SCO2: variants seen among roughly 807,000 people sequenced by gnomAD.
The protein encoded by SCO2 is synthesis of cytochrome C oxidase 2.
For missense variants in SCO2, 429 were observed against 348.7 expected (o/e 1.23, Z -1.83); for synonymous variants, 195 against 148.6 (o/e 1.31, Z -2.27).
upstream of SCO2, chr22:50,526,306 C>T: frequency 1.3e-6 from 2 of 1,559,306 alleles, no homozygotes; most frequent in South Asian, 1.2e-5. Context: ...TGCCGGCGTT[C>T]TGCGGGACTT....
rs2148671809 is a variant in SCO2 at position 50,524,116 on chromosome 22, A to C, written c.296T>G (p.Val99Gly). Residue 99 changes from valine (V) to glycine (G), a missense_variant, in exon 2 of 2, where the codon GTG becomes GGG. By Grantham distance (109) the Val-to-Gly change is moderately radical. Transcript: ENST00000395693. ...KRTEALRQAAVGQGDFHLLDH... is the reference protein window; with the variant it reads ...KRTEALRQAAGGQGDFHLLDH... ...CAGCAGGTGGAAGTCGCCCTGGCCC[A>C]CAGCTGCCTGGCGCAGGGCTTCTGT... 1 of 1,612,818 alleles carries C rather than the reference A, an allele frequency of 6.2e-7. No homozygotes were observed. Among genetic ancestry groups the C allele is most frequent in the Non-Finnish European group, 8.5e-7 (1 of 1,180,000 alleles).
chr22:50,525,566 G>C lies in SCO2; in HGVS notation c.-108C>G, dbSNP rs1000474738. 31 of 730,524 alleles carry C rather than the reference G, an allele frequency of 4.2e-5. No homozygotes were observed. The East Asian group carries it at 8.7e-4, about 20-fold the overall frequency. The allele number at this position is 730,524 out of a possible 1,614,324, so 45.3% of individuals were successfully genotyped here. ...TGCCCCGCCGGCTCAGGGAAAGCGG[G>C]CGCCACACGCTCACAGGCAGGGCGC... On this transcript the variant is annotated 5_prime_UTR_variant, in exon 1 of 2. Transcript: ENST00000395693.
chr22:50,524,831 C>T (rs915598562), intron 1 of SCO2: 24 of 373,544 alleles, frequency 6.4e-5, no homozygotes, highest in African/African-American at 4.9e-4. Context: ...ATTCCTCCAA[C>T]ACTTTCCTGT....
chr22:50,526,306 C>G (rs2069372271), upstream of SCO2: 3 of 1,559,306 alleles, frequency 1.9e-6, no homozygotes, highest in Non-Finnish European at 2.6e-6. Context: ...TGCCGGCGTT[C>G]TGCGGGACTT....
chr22:50,524,481 G>A (rs777411169), intron 1 of SCO2, 57 bp from the exon 2 acceptor site: 28 of 1,524,804 alleles, frequency 1.8e-5, no homozygotes, highest in Middle Eastern at 1.7e-4. Flanking sequence ...CAGTGCCTGG[G>A]CTGCCCCTGC....
At chr22:50,526,237 G>C, upstream of SCO2, 1 of 1,532,236 alleles carries the variant, frequency 6.5e-7, no homozygotes, top group Non-Finnish European at 8.7e-7. Flanking sequence ...GGACTCCCCC[G>C]ACGCTCACCA....
chr22:50,524,039 G>A lies in SCO2; in HGVS notation c.373C>T (p.Leu125=), dbSNP rs891656219. 7.4e-6 allele frequency: 12 copies of A among 1,613,394 alleles called. No individual in the cohort carries two copies. The highest frequency in any genetic ancestry group is 1.0e-5 in the Non-Finnish European group (12 of 1,180,030). The part of the protein sequence containing the change: ...CKADFRGQWV[L]MYFGFTHCPD... The stretch of plus-strand genomic sequence containing the variant: ...CAGTGAGTGAAGCCAAAGTACATCA[G>A]CACCCACTGGCCCCGGAAGTCAGCC... The change falls in exon 2 of 2, where the codon CTG becomes TTG. Residue 125 remains leucine (L), a synonymous_variant. Coordinates refer to ENST00000395693, the MANE Select transcript of SCO2 (RefSeq NM_005138.3).
Position 50,525,568 on chromosome 22 carries a change from G to A in SCO2, c.-110C>T, listed in dbSNP as rs1052937536. 4 of 741,122 alleles carry A rather than the reference G, an allele frequency of 5.4e-6. No homozygotes were observed. The highest frequency in any genetic ancestry group is 2.9e-5 in the East Asian group (1 of 34,634). The allele number at this position is 741,122 out of a possible 1,614,324, so 45.9% of individuals were successfully genotyped here. On this transcript the variant is annotated 5_prime_UTR_variant, in exon 1 of 2. Transcript: ENST00000395693. The stretch of plus-strand genomic sequence containing the variant: ...CCCCGCCGGCTCAGGGAAAGCGGGC[G>A]CCACACGCTCACAGGCAGGGCGCAG...
chr22:50,525,609 CGCATGCGCACACGG>C, upstream of SCO2: 1 of 1,112,524 alleles, frequency 9.0e-7, no homozygotes, highest in Admixed American at 2.0e-5. Flanking sequence ...CCCGGAGCTG[CGCATGCGCACACGG>C]GCGCAGCCGC....
rs1342919568 is a variant in SCO2, at chr22:50,524,251, C to T, written c.161G>A (p.Gly54Asp). 1 of 1,605,570 alleles carries T rather than the reference C, an allele frequency of 6.2e-7. No individual in the cohort carries two copies. The highest frequency in any genetic ancestry group is 1.3e-5 in the African/African-American group (1 of 74,910). The stretch of plus-strand genomic sequence containing the variant: ...CAGCAGCCGGGTTCGAAGCCCAGGG[C>T]CCTGGGGCTGGCCCTGCCCACCTGT... The part of the protein sequence containing the change: ...AETGGQGQPQ[G>D]PGLRTRLLIT... Residue 54 changes from glycine (G) to aspartate (D), a missense_variant, in exon 2 of 2, where the codon GGC (glycine) becomes GAC (aspartate). Coordinates refer to ENST00000395693, the MANE Select transcript of SCO2 (RefSeq NM_005138.3).
chr22:50,526,167 CGGGCTCGGGAAGGGGCGG>C (rs760967496), upstream of SCO2: 15 of 1,468,248 alleles, frequency 1.0e-5, no homozygotes, highest in Middle Eastern at 3.9e-4. Context: ...CTGAGAGGCG[CGGGCTCGGGAAGGGGCGG>C]GGCCTCGGGA....
rs548297257 is a variant in SCO2 at position 50,524,421 on chromosome 22, G to A, written c.-10C>T. On this transcript the variant is annotated 5_prime_UTR_variant, in exon 2 of 2. Coordinates refer to ENST00000395693, the MANE Select transcript of SCO2 (RefSeq NM_005138.3). The stretch of plus-strand genomic sequence containing the variant: ...GAGTCAGCAGCAGCATGGATCTGAT[G>A]CTCCTGGAAACAAGCACAGGCGTCA... The A allele has an allele frequency of 3.7e-6, 6 of 1,609,248 alleles. No individual in the cohort carries two copies. Among genetic ancestry groups the A allele is most frequent in the South Asian group, 1.1e-5 (1 of 91,018 alleles).
rs147185850 is a variant in SCO2 at position 50,524,285 on chromosome 22, G to C, written c.127C>G (p.Pro43Ala). The change falls in exon 2 of 2, where the codon CCT becomes GCT. Residue 43 changes from proline to alanine, a missense_variant. Coordinates refer to ENST00000395693, the MANE Select transcript of SCO2 (RefSeq NM_005138.3). ...LRSWLLSRQG[P>A]AETGGQGQPQ... Reference sequence around the variant, plus strand: ...TGGCCCTGCCCACCTGTCTCTGCAGGGCCCTGCCTTGACAAAAGCCAGGAC... The same window carrying C: ...TGGCCCTGCCCACCTGTCTCTGCAGCGCCCTGCCTTGACAAAAGCCAGGAC... 61 of 1,603,420 alleles carry C rather than the reference G, an allele frequency of 3.8e-5. No individual in the cohort carries two copies. The African/African-American group carries it at 6.8e-4, about 18-fold the overall frequency.
chr22:50,524,622 T>C, intron 1 of SCO2, 198 bp from the exon 2 acceptor site: 1 of 709,402 alleles, frequency 1.4e-6, no homozygotes, highest in Non-Finnish European at 2.6e-6. Context: ...CACCTGTCAC[T>C]CCTGTCCTCT....
intron 1 of SCO2, 41 bp from the exon 2 acceptor site, chr22:50,524,465 C>T (rs1416255880): frequency 7.6e-6 from 12 of 1,579,978 alleles, no homozygotes; most frequent in Non-Finnish European, 1.0e-5. Context: ...AAGGGAAGGC[C>T]CAGGACAGTG....
chr22:50,525,761 A>T (rs751872685), upstream of SCO2: 11 of 1,610,136 alleles, frequency 6.8e-6, no homozygotes, highest in East Asian at 6.7e-5. Context: ...GTTTCGCGGC[A>T]AAGGAGCTTT....
At chr22:50,525,607 T>C, upstream of SCO2, 3 of 1,091,012 alleles carry the variant, frequency 2.7e-6, no homozygotes, top group Non-Finnish European at 4.0e-6. Flanking sequence ...TCCCCGGAGC[T>C]GCGCATGCGC....
At position 50,525,562 on chromosome 22, in the gene SCO2, G is replaced by C; in HGVS notation, c.-104C>G. ...GCTCTGCCCCGCCGGCTCAGGGAAA[G>C]CGGGCGCCACACGCTCACAGGCAGG... is the stretch of plus-strand genomic sequence containing the variant. On this transcript the variant is annotated 5_prime_UTR_variant, in exon 1 of 2. Coordinates refer to ENST00000395693, the MANE Select transcript of SCO2 (RefSeq NM_005138.3). 4.2e-6 allele frequency: 3 copies of C among 715,542 alleles called. No individual in the cohort carries two copies. Among genetic ancestry groups the C allele is most frequent in the Non-Finnish European group, 6.8e-6 (3 of 441,080 alleles). The allele number at this position is 715,542 out of a possible 1,614,324, so 44.3% of individuals were successfully genotyped here.
intron 1 of SCO2, 185 bp from the exon 2 acceptor site, chr22:50,524,609 C>T (rs2069250388): frequency 1.4e-6 from 1 of 715,738 alleles, no homozygotes; most frequent in Non-Finnish European, 2.6e-6. Context: ...ACCTGGGCAA[C>T]CACACCTGTC....
Sources: allele counts gnomAD v4.1 joint callset, GRCh38; gene constraint gnomAD v4.1.1; transcripts MANE v1.5; gene names NCBI Gene and HGNC (gene_info 2026-07-23, HGNC 2026-07-21).